IGF1: variants seen among roughly 807,000 people sequenced by gnomAD.
IGF1 encodes insulin like growth factor 1.
A neutral mutation model predicts 13.8 loss-of-function variants in IGF1; 4 were observed. The observed-to-expected ratio is 0.29, with a 90% CI of 0.14 to 0.66. The LOEUF (loss-of-function observed/expected upper bound fraction) is 0.66. Among genes scored for constraint, IGF1 ranks in the 30% least tolerant of loss-of-function variants. The pLI is 0.78. For missense variants in IGF1, 124 were observed against 188.5 expected, an observed-to-expected ratio of 0.66 and a Z score of 2.00; for synonymous variants, 76 against 72.6, an observed-to-expected ratio of 1.05 and a Z score of -0.23.
intron 2 of IGF1, among the ~76,000 whole-genome samples, chr12:102,465,712 G>A (rs1017925410): frequency 1.3e-5 from 2 of 152,062 alleles, no homozygotes; most frequent in Non-Finnish European, 2.9e-5. Context: ...CAAGGCAGGC[G>A]GATCACCTGA....
At chr12:102,431,117 C>G (rs1430580646) in intron 2 of IGF1, among the ~76,000 whole-genome samples, 6 of 152,222 alleles carry the variant, frequency 3.9e-5, no homozygotes, top group African/African-American at 9.6e-5. Flanking sequence ...TCTTAGCCTT[C>G]TATCTGGCCT....
intron 2 of IGF1, among the ~76,000 whole-genome samples, chr12:102,426,930 C>T (rs1028258765): frequency 7.9e-5 from 12 of 152,044 alleles, no homozygotes; most frequent in African/African-American, 2.9e-4. Flanking sequence ...TCTTTTTATT[C>T]ACTGATGTAC....
At chr12:102,465,991 A>G (rs1592825407) in intron 2 of IGF1, among the ~76,000 whole-genome samples, 2 of 151,662 alleles carry the variant, frequency 1.3e-5, no homozygotes, top group African/African-American at 4.8e-5. Flanking sequence ...AAATAAAGAT[A>G]ACCAACTTCT....
In IGF1 at chr12:102,475,836, T is replaced by C. The variant is rs569842003; in HGVS notation, c.64-37A>G. 5.0e-6 allele frequency: 8 copies of C among 1,588,690 alleles called. No individual in the cohort carries two copies. In the East Asian group the frequency reaches 6.9e-5, roughly 14 times the overall value. On this transcript the variant is annotated intron_variant, in intron 1 of 3. Coordinates refer to ENST00000337514, the MANE Select transcript of IGF1 (RefSeq NM_000618.5). ...ACAGAGGGAGGGTCAGGTTTCCTCC[T>C]TGATCCTTGCAAGGGGAGTGGGGTG... is the stretch of plus-strand genomic sequence containing the variant.
At chr12:102,417,574 T>C (rs1875253461) in intron 3 of IGF1, 2 of 1,221,538 alleles carry the variant, frequency 1.6e-6, no homozygotes, top group Non-Finnish European at 2.0e-6. Context: ...AATTTTTATT[T>C]TTTTTTTTCA....
chr12:102,478,583 A>G, intron 1 of IGF1: 1 of 1,574,636 alleles, frequency 6.4e-7, no homozygotes, highest in African/African-American at 1.3e-5. Context: ...AGTCTTAAAA[A>G]CATGTGCTGC....
intron 3 of IGF1, among the ~76,000 whole-genome samples, chr12:102,409,243 T>C (rs1413618745): frequency 6.6e-6 from 1 of 152,206 alleles, no homozygotes; most frequent in African/African-American, 2.4e-5. Context: ...GCACCATCAG[T>C]CTGTTCTGGC....
chr12:102,434,655 G>T (rs1308291540), intron 2 of IGF1, among the ~76,000 whole-genome samples: 1 of 152,056 alleles, frequency 6.6e-6, no homozygotes, highest in African/African-American at 2.4e-5. Context: ...AATCATTTGG[G>T]TATATAAGTA....
chr12:102,421,619 A>C (rs1001153197), intron 2 of IGF1, among the ~76,000 whole-genome samples: 1 of 152,136 alleles, frequency 6.6e-6, no homozygotes, highest in African/African-American at 2.4e-5. Context: ...TAAATTTCCT[A>C]ATGGGATGTA....
At chr12:102,468,520 G>T (rs1414545838) in intron 2 of IGF1, among the ~76,000 whole-genome samples, 2 of 152,216 alleles carry the variant, frequency 1.3e-5, no homozygotes, top group African/African-American at 4.8e-5. Context: ...CATTAAATAG[G>T]CATACAACTT....
At position 102,419,582 on chromosome 12, in the gene IGF1, G is replaced by A. The variant is rs2137001011; in HGVS notation, c.329C>T (p.Ala110Val). The A allele has an allele frequency of 6.2e-7, 1 of 1,613,924 alleles. No individual in the cohort carries two copies. The change falls in exon 3 of 4, where the codon GCA becomes GTA. Residue 110 changes from alanine to valine, a missense_variant. Physicochemically the swap from Ala to Val is moderately conservative, Grantham distance 64. Around this residue, in one of 2 missense-constraint regions of IGF1, gnomAD observed 99 missense variants for 171.4 expected, o/e 0.58. Coordinates refer to ENST00000337514, the MANE Select transcript of IGF1 (RefSeq NM_000618.5). ...CDLRRLEMYC[A>V]PLKPAKSARS... is the part of the protein sequence containing the mutation. The stretch of plus-strand genomic sequence containing the variant: ...AGCTGACTTGGCAGGCTTGAGGGGT[G>A]CGCAATACATCTCCAGCCTCCTTAG...
At chr12:102,441,922 CTT>C (rs1343608508) in intron 2 of IGF1, among the ~76,000 whole-genome samples, 6 of 122,444 alleles carry the variant, frequency 4.9e-5, no homozygotes, top group Admixed American at 9.6e-5. Context: ...TCTCCTTCTT[CTT>C]CTTCTTCTTC....
chr12:102,436,742 T>C (rs1877263562), intron 2 of IGF1, among the ~76,000 whole-genome samples: 1 of 152,208 alleles, frequency 6.6e-6, no homozygotes, highest in Non-Finnish European at 1.5e-5. Flanking sequence ...CACCTAATCA[T>C]CAGAATTTCT....
chr12:102,405,025 G>T (rs1344014384), intron 3 of IGF1, among the ~76,000 whole-genome samples: 2 of 151,724 alleles, frequency 1.3e-5, no homozygotes, highest in Non-Finnish European at 2.9e-5. Context: ...CCAAAGTGCT[G>T]GTATTACAGG....
intron 2 of IGF1, among the ~76,000 whole-genome samples, chr12:102,457,247 A>C (rs1879491386): frequency 6.6e-6 from 1 of 152,206 alleles, no homozygotes; most frequent in Non-Finnish European, 1.5e-5. Context: ...AATTCTGCTT[A>C]ATTTATTAAC....
intron 3 of IGF1, among the ~76,000 whole-genome samples, chr12:102,417,209 G>A (rs1278093623): frequency 1.6e-5 from 1 of 62,674 alleles, no homozygotes; most frequent in Non-Finnish European, 3.1e-5. Context: ...ATTCCAAAGT[G>A]CAAAAAAGAT....
chr12:102,478,434 C>T, intron 1 of IGF1: 2 of 1,270,574 alleles, frequency 1.6e-6, no homozygotes, highest in Non-Finnish European at 2.2e-6. Flanking sequence ...GTCTGGGCCA[C>T]AATGAAAATG....
intron 3 of IGF1, among the ~76,000 whole-genome samples, chr12:102,410,751 G>A (rs1314879695): frequency 4.6e-5 from 7 of 152,208 alleles, no homozygotes; most frequent in Admixed American, 4.6e-4. Flanking sequence ...TTCCTTGTGT[G>A]TGTGACAAAT....
At chr12:102,458,961 A>T (rs1164803861) in intron 2 of IGF1, among the ~76,000 whole-genome samples, 1 of 152,190 alleles carries the variant, frequency 6.6e-6, no homozygotes, top group African/African-American at 2.4e-5. Context: ...AATCAAGTCA[A>T]TGTCTCAATG....
Sources: allele counts gnomAD v4.1 joint callset (sites outside exome capture counted in the v4.1 genomes callset), GRCh38; gene constraint gnomAD v4.1.1; regional missense constraint gnomAD v4.1.1; transcripts MANE v1.5; gene names NCBI Gene and HGNC (gene_info 2026-07-23, HGNC 2026-07-21).